Variants in NRG3 observed in about 807,000 individuals in gnomAD.
NRG3 encodes the protein neuregulin 3.
NRG3 carries 31 observed loss-of-function variants against 66.9 expected under a neutral mutation model. That is an observed-to-expected ratio of 0.46 (90% CI 0.35 to 0.63). NRG3 has a LOEUF of 0.63. Among genes scored for constraint, NRG3 ranks in the 20% least tolerant of loss-of-function variants. The pLI, the probability that NRG3 is intolerant of heterozygous loss-of-function variation, is 0.00. For missense variants in NRG3, 910 were observed against 878.9 expected, an observed-to-expected ratio of 1.04 and a Z score of -0.45; for synonymous variants, 393 against 359.4, an observed-to-expected ratio of 1.09 and a Z score of -1.06.
chr10:82,978,383 A>G (rs1224061848), intron 7 of NRG3, among the ~76,000 whole-genome samples: 1 of 152,264 alleles, frequency 6.6e-6, no homozygotes, highest in Non-Finnish European at 1.5e-5. Flanking sequence ...AAGCAAACTC[A>G]GAAGAAAAAT....
intron 2 of NRG3, among the ~76,000 whole-genome samples, chr10:82,455,613 A>G (rs550259774): frequency 6.7e-6 from 1 of 148,248 alleles, no homozygotes; most frequent in Non-Finnish European, 1.5e-5. Context: ...ATTACACTAA[A>G]CTTTTTTTTT....
intron 2 of NRG3, among the ~76,000 whole-genome samples, chr10:82,676,467 A>G (rs905156174): frequency 7.2e-5 from 11 of 151,726 alleles, no homozygotes; most frequent in African/African-American, 2.2e-4. Context: ...TTGGTCTGCC[A>G]TTTCTATTTG....
chr10:82,452,217 T>G (rs1001182955), intron 2 of NRG3, among the ~76,000 whole-genome samples: 6 of 152,234 alleles, frequency 3.9e-5, no homozygotes, highest in African/African-American at 1.4e-4. Context: ...GTTTGTGGTG[T>G]TAGCCTTGGG....
intron 1 of NRG3, among the ~76,000 whole-genome samples, chr10:82,295,463 A>G (rs1000667487): frequency 6.6e-6 from 1 of 152,234 alleles, no homozygotes; most frequent in South Asian, 2.1e-4. Context: ...TTTTTAATAG[A>G]TGAGCCCCTC....
At chr10:82,616,468 C>T in intron 2 of NRG3, among the ~76,000 whole-genome samples, 1 of 152,116 alleles carries the variant, frequency 6.6e-6, no homozygotes, top group East Asian at 1.9e-4. Flanking sequence ...GCACTTTTTC[C>T]TGCCTTGTTA....
intron 1 of NRG3, among the ~76,000 whole-genome samples, chr10:81,914,253 C>T (rs575678212): frequency 3.5e-4 from 54 of 152,298 alleles, no homozygotes; most frequent in African/African-American, 1.0e-3. Flanking sequence ...TCTTTTCACA[C>T]TCCTCTTCAT....
chr10:82,145,601 G>A (rs2070186865), intron 1 of NRG3, among the ~76,000 whole-genome samples: 1 of 152,036 alleles, frequency 6.6e-6, no homozygotes, highest in African/African-American at 2.4e-5. Context: ...TTTTTTCTTT[G>A]ATGGTCAGTT....
chr10:82,525,779 A>G (rs1846636180), intron 2 of NRG3, among the ~76,000 whole-genome samples: 1 of 151,992 alleles, frequency 6.6e-6, no homozygotes, highest in Non-Finnish European at 1.5e-5. Context: ...ACAGATCATA[A>G]AACAGCCATG....
chr10:82,815,143 C>A (rs1349080981), intron 3 of NRG3, among the ~76,000 whole-genome samples: 1 of 152,168 alleles, frequency 6.6e-6, no homozygotes, highest in Non-Finnish European at 1.5e-5. Context: ...TCATACCATC[C>A]TAGGAAATAA....
At chr10:82,682,398 C>CAGACAGATAGAT (rs145416247) in intron 2 of NRG3, among the ~76,000 whole-genome samples, 1 of 149,520 alleles carries the variant, frequency 6.7e-6, no homozygotes, top group African/African-American at 2.5e-5. Context: ...AGTAGATAGA[C>CAGACAGATAGAT]AGATAGATAG....
chr10:82,534,783 T>C (rs1847652515), intron 2 of NRG3, among the ~76,000 whole-genome samples: 1 of 152,130 alleles, frequency 6.6e-6, no homozygotes, highest in Admixed American at 6.5e-5. Flanking sequence ...TGTAGTTGAC[T>C]GATCTGGGAC....
intron 1 of NRG3, among the ~76,000 whole-genome samples, chr10:82,183,710 G>T (rs373054340): frequency 6.6e-6 from 1 of 152,082 alleles, no homozygotes; most frequent in African/African-American, 2.4e-5. Flanking sequence ...ATTTTTGGTT[G>T]CCATGACTGG....
intron 1 of NRG3, among the ~76,000 whole-genome samples, chr10:82,135,740 T>C (rs1044466768): frequency 2.0e-5 from 3 of 152,174 alleles, no homozygotes; most frequent in African/African-American, 7.2e-5. Context: ...GAATTTCTTC[T>C]TTGTATTTTC....
At chr10:82,820,435 G>T (rs1383919668) in intron 3 of NRG3, among the ~76,000 whole-genome samples, 1 of 151,874 alleles carries the variant, frequency 6.6e-6, no homozygotes, top group Non-Finnish European at 1.5e-5. Flanking sequence ...ACACCTTATG[G>T]TTTTCTCTTA....
intron 1 of NRG3, among the ~76,000 whole-genome samples, chr10:81,911,263 A>C (rs1412482600): frequency 1.3e-5 from 2 of 152,146 alleles, no homozygotes; most frequent in African/African-American, 4.8e-5. Flanking sequence ...ATTTTTGGGC[A>C]AATAATGGGT....
rs543989456 is a variant in NRG3 at position 82,902,049 on chromosome 10, G to A, written c.1054+36612G>A. The stretch of plus-strand genomic sequence containing the variant: ...TATAGCTAGATGGATATAACCAACC[G>A]AAAGATACATGAGACCATTTTTAGT... On this transcript the variant is annotated intron_variant, in intron 4 of 8. Coordinates refer to ENST00000372141, the MANE Select transcript of NRG3 (RefSeq NM_001010848.4). Among the ~76,000 whole-genome samples the A allele has an allele frequency of 8.5e-5, 13 of 152,222 alleles. No homozygotes were observed. The South Asian group carries it at 1.2e-3, about 15-fold the overall frequency.
At chr10:82,700,014 C>T (rs2055737600) in intron 2 of NRG3, among the ~76,000 whole-genome samples, 1 of 152,098 alleles carries the variant, frequency 6.6e-6, no homozygotes, top group African/African-American at 2.4e-5. Context: ...AGCCATCACA[C>T]TTTGACCATC....
At chr10:82,961,364 A>G (rs1454566131) in intron 6 of NRG3, among the ~76,000 whole-genome samples, 2 of 152,182 alleles carry the variant, frequency 1.3e-5, no homozygotes, top group Non-Finnish European at 2.9e-5. Flanking sequence ...AAAAATCTCT[A>G]TCAGTTTTTG....
At chr10:82,148,523 C>T (rs2070436606) in intron 1 of NRG3, among the ~76,000 whole-genome samples, 1 of 151,768 alleles carries the variant, frequency 6.6e-6, no homozygotes, top group African/African-American at 2.4e-5. Context: ...TTTTTCCTAC[C>T]TATTTGTCCA....
Sources: gnomAD v4.1 joint callset for allele counts (sites outside exome capture counted in the v4.1 genomes callset) on GRCh38, gnomAD v4.1.1 for gene constraint, MANE v1.5 for transcripts, NCBI Gene and HGNC (gene_info 2026-07-23, HGNC 2026-07-21) for gene names.